Variants in FAM78B observed in about 807,000 individuals in gnomAD.
FAM78B encodes the protein family with sequence similarity 78 member B.
In FAM78B, 10 loss-of-function variants were observed where a neutral mutation model predicts 20.0. That is an observed-to-expected ratio of 0.50 (90% CI 0.31 to 0.85). The LOEUF (loss-of-function observed/expected upper bound fraction) is 0.85, where lower values mean the gene tolerates loss of function less well. Ranked by LOEUF, FAM78B falls within the 40% of genes least tolerant of loss-of-function variation. The probability of loss-of-function intolerance (pLI) is 0.05; values close to 1 mark genes in which losing one functional copy is unlikely to be tolerated. For missense variants in FAM78B, 283 were observed against 345.0 expected, an observed-to-expected ratio of 0.82 and a Z score of 1.42; for synonymous variants, 135 against 132.8, an observed-to-expected ratio of 1.02 and a Z score of -0.12.
intron 1 of FAM78B, among the ~76,000 whole-genome samples, chr1:166,071,983 G>A (rs901239497): frequency 1.3e-5 from 2 of 152,140 alleles, no homozygotes; most frequent in East Asian, 1.9e-4. Flanking sequence ...CCATATTTTC[G>A]CTCCGGGTAC....
chr1:166,056,579 C>T (rs188263907), downstream of FAM78B, among the ~76,000 whole-genome samples: 1 of 152,250 alleles, frequency 6.6e-6, no homozygotes, highest in African/African-American at 2.4e-5. Flanking sequence ...GGAGAGAAGG[C>T]AACATTCCAG....
At chr1:166,151,959 C>T (rs935483875) in intron 1 of FAM78B, among the ~76,000 whole-genome samples, 1 of 152,326 alleles carries the variant, frequency 6.6e-6, no homozygotes, top group East Asian at 1.9e-4. Flanking sequence ...CCTAATTATA[C>T]AACAGTCCCA....
intron 1 of FAM78B, among the ~76,000 whole-genome samples, chr1:166,129,267 A>G (rs1654780829): frequency 6.6e-6 from 1 of 152,260 alleles, no homozygotes; most frequent in Non-Finnish European, 1.5e-5. Context: ...TCCGCATGCA[A>G]TTCTGCTCCT....
chr1:166,138,019 ATC>A (rs1655135376), intron 1 of FAM78B, among the ~76,000 whole-genome samples: 1 of 152,124 alleles, frequency 6.6e-6, no homozygotes, highest in Admixed American at 6.5e-5. Flanking sequence ...GCCCTCTTAG[ATC>A]TCTCTAGCCC....
chr1:166,161,858 G>C (rs934828111), intron 1 of FAM78B, among the ~76,000 whole-genome samples: 2 of 152,208 alleles, frequency 1.3e-5, no homozygotes, highest in Admixed American at 1.3e-4. Context: ...CTAAGCTTGA[G>C]ATGTCTTTCA....
intron 1 of FAM78B, among the ~76,000 whole-genome samples, chr1:166,138,569 C>A (rs758300536): frequency 6.6e-6 from 1 of 152,140 alleles, no homozygotes; most frequent in Non-Finnish European, 1.5e-5. Flanking sequence ...TCTTCGCTAG[C>A]CTTAGATTCA....
intron 1 of FAM78B, among the ~76,000 whole-genome samples, chr1:166,119,394 G>C (rs1654382639): frequency 6.6e-6 from 1 of 152,114 alleles, no homozygotes; most frequent in African/African-American, 2.4e-5. Context: ...GATTCCAAAG[G>C]AGACGACGCA....
intron 1 of FAM78B, among the ~76,000 whole-genome samples, chr1:166,112,291 T>C (rs1241222418): frequency 2.0e-5 from 3 of 152,186 alleles, no homozygotes; most frequent in Non-Finnish European, 4.4e-5. Context: ...AAAATAAAGG[T>C]GTGAGCCCAA....
At chr1:166,124,355 C>T (rs1654567879) in intron 1 of FAM78B, among the ~76,000 whole-genome samples, 1 of 152,168 alleles carries the variant, frequency 6.6e-6, no homozygotes, top group Non-Finnish European at 1.5e-5. Context: ...TATAGAATAA[C>T]ACTAAACAAT....
At chr1:166,078,772 A>C (rs1652438775) in intron 1 of FAM78B, among the ~76,000 whole-genome samples, 1 of 152,036 alleles carries the variant, frequency 6.6e-6, no homozygotes, top group South Asian at 2.1e-4. Context: ...TACTGATACT[A>C]ATGTCCCCTG....
intron 1 of FAM78B, among the ~76,000 whole-genome samples, chr1:166,162,564 C>T (rs1656187945): frequency 6.6e-6 from 1 of 152,228 alleles, no homozygotes. Context: ...CAGGAAACCT[C>T]TTCAGCGTTG....
chr1:166,151,341 T>A (rs1447705132), intron 1 of FAM78B, among the ~76,000 whole-genome samples: 1 of 152,234 alleles, frequency 6.6e-6, no homozygotes, highest in Non-Finnish European at 1.5e-5. Flanking sequence ...ATTCCAAGAT[T>A]TTCCTTTTAG....
intron 1 of FAM78B, among the ~76,000 whole-genome samples, chr1:166,124,457 T>A (rs575725783): frequency 6.6e-6 from 1 of 152,350 alleles, no homozygotes; most frequent in South Asian, 2.1e-4. Flanking sequence ...CTTGCTCCCA[T>A]AACAACCCTA....
chr1:166,083,540 G>T (rs112889657), intron 1 of FAM78B, among the ~76,000 whole-genome samples: 4,670 of 152,178 alleles, frequency 0.031, 237 homozygotes, highest in African/African-American at 0.1. Flanking sequence ...AGTTTTGCTC[G>T]GTCACCCAGG....
chr1:166,109,838 A>ATATATG (rs1469856162), intron 1 of FAM78B, among the ~76,000 whole-genome samples: 1 of 21,188 alleles, frequency 4.7e-5, no homozygotes, highest in South Asian at 1.8e-3. Context: ...ATATGTATAT[A>ATATATG]TGTATATATA....
intron 1 of FAM78B, among the ~76,000 whole-genome samples, chr1:166,111,362 T>C (rs1225521304): frequency 6.6e-6 from 1 of 152,230 alleles, no homozygotes; most frequent in Non-Finnish European, 1.5e-5. Flanking sequence ...AATGGGCCTC[T>C]GCTTTCAGAG....
At chr1:166,135,229 G>T (rs1655025385) in intron 1 of FAM78B, among the ~76,000 whole-genome samples, 1 of 152,094 alleles carries the variant, frequency 6.6e-6, no homozygotes, top group African/African-American at 2.4e-5. Context: ...AAGAAAAAGT[G>T]AAAAAAAGCA....
chr1:166,060,757 G>A (rs1651561750), intron 2 of FAM78B: 4 of 744,548 alleles, frequency 5.4e-6, no homozygotes, highest in Middle Eastern at 3.0e-4. Context: ...CATGATCTGG[G>A]CTCCATTAAT....
intron 1 of FAM78B, among the ~76,000 whole-genome samples, chr1:166,118,870 T>C (rs948297185): frequency 3.3e-5 from 5 of 152,188 alleles, no homozygotes; most frequent in Middle Eastern, 3.2e-3. Context: ...CTGCTCCCAA[T>C]GTCCCATCCC....
Sources: gnomAD v4.1 joint callset for allele counts (sites outside exome capture counted in the v4.1 genomes callset) on GRCh38, gnomAD v4.1.1 for gene constraint, MANE v1.5 for transcripts, NCBI Gene and HGNC (gene_info 2026-07-23, HGNC 2026-07-21) for gene names.